Variants in XKR6 observed in about 807,000 individuals in gnomAD.
XKR6 encodes the protein XK related 6, also known as XK-related protein 6.
In XKR6, 22 loss-of-function variants were observed where a neutral mutation model predicts 56.7. That is an observed-to-expected ratio of 0.39 (90% CI 0.28 to 0.55). The LOEUF (loss-of-function observed/expected upper bound fraction) is 0.55. Among genes scored for constraint, XKR6 ranks in the 20% least tolerant of loss-of-function variants. XKR6 has a pLI of 0.66. For missense variants in XKR6, 852 were observed against 889.0 expected (o/e 0.96, Z 0.53); for synonymous variants, 524 against 387.8 (o/e 1.35, Z -4.13).
intron 1 of XKR6, among the ~76,000 whole-genome samples, chr8:10,969,040 T>C (rs536918431): frequency 6.6e-5 from 10 of 152,346 alleles, no homozygotes; most frequent in African/African-American, 2.4e-4. Context: ...CTTAGGAAAC[T>C]GGAGCAGAGG....
At chr8:10,997,649 T>A (rs935925156) in intron 1 of XKR6, among the ~76,000 whole-genome samples, 2 of 151,950 alleles carry the variant, frequency 1.3e-5, no homozygotes, top group Non-Finnish European at 2.9e-5. Flanking sequence ...AGGAGGCGTG[T>A]GGAAATGCAA....
At chr8:11,045,982 G>C (rs1039448594) in intron 1 of XKR6, among the ~76,000 whole-genome samples, 1 of 152,238 alleles carries the variant, frequency 6.6e-6, no homozygotes, top group African/African-American at 2.4e-5. Flanking sequence ...GTGCGCTGTT[G>C]TTGAGAGAAT....
intron 1 of XKR6, among the ~76,000 whole-genome samples, chr8:10,946,214 T>TA (rs375093958): frequency 6.6e-6 from 1 of 152,008 alleles, no homozygotes; most frequent in Non-Finnish European, 1.5e-5. Context: ...CCATGGGGAA[T>TA]GGGGGTGAGA....
At chr8:11,049,884 T>G (rs1282225605) in intron 1 of XKR6, among the ~76,000 whole-genome samples, 1 of 152,164 alleles carries the variant, frequency 6.6e-6, no homozygotes, top group Non-Finnish European at 1.5e-5. Flanking sequence ...AGAAAGACTG[T>G]GTCTGCTGCA....
At chr8:10,978,357 T>G (rs902783221) in intron 1 of XKR6, among the ~76,000 whole-genome samples, 23 of 152,230 alleles carry the variant, frequency 1.5e-4, no homozygotes, top group African/African-American at 5.1e-4. Flanking sequence ...AAACTTAATA[T>G]AACATTCAAT....
intron 1 of XKR6, among the ~76,000 whole-genome samples, chr8:11,032,404 G>C (rs1334711829): frequency 1.3e-5 from 2 of 152,250 alleles, no homozygotes; most frequent in Non-Finnish European, 2.9e-5. Flanking sequence ...GACAGAGTGT[G>C]TGTGCTGAGT....
At chr8:11,161,822 C>T (rs940217180) in intron 1 of XKR6, among the ~76,000 whole-genome samples, 2 of 152,000 alleles carry the variant, frequency 1.3e-5, no homozygotes, top group Non-Finnish European at 1.5e-5. Context: ...CATCAGGTAC[C>T]TGCAACTCAA....
At chr8:11,080,861 C>T (rs561400239) in intron 1 of XKR6, among the ~76,000 whole-genome samples, 1 of 152,372 alleles carries the variant, frequency 6.6e-6, no homozygotes, top group East Asian at 1.9e-4. Flanking sequence ...AGCTGCCAAC[C>T]TCTTTGGAGA....
At chr8:10,960,975 T>G (rs939159565) in intron 1 of XKR6, among the ~76,000 whole-genome samples, 1 of 151,932 alleles carries the variant, frequency 6.6e-6, no homozygotes, top group Non-Finnish European at 1.5e-5. Flanking sequence ...CTAGATGGGG[T>G]AGGGCCAGGA....
intron 1 of XKR6, chr8:11,109,251 C>T (rs1244073800): frequency 4.6e-5 from 7 of 152,228 alleles, no homozygotes; most frequent in Non-Finnish European, 1.0e-4. Flanking sequence ...CAAACCCTGA[C>T]TGTATTCATG....
intron 1 of XKR6, among the ~76,000 whole-genome samples, chr8:11,156,941 T>C (rs1801552505): frequency 6.6e-6 from 1 of 152,042 alleles, no homozygotes; most frequent in South Asian, 2.1e-4. Context: ...AACTTTACAG[T>C]AGGAAACCTG....
chr8:11,024,719 G>T (rs947112798), intron 1 of XKR6, among the ~76,000 whole-genome samples: 2 of 152,206 alleles, frequency 1.3e-5, no homozygotes, highest in African/African-American at 4.8e-5. Context: ...GACCCCCAGG[G>T]AGGCCCAAGA....
At chr8:10,995,691 A>AG (rs1798095862) in intron 1 of XKR6, among the ~76,000 whole-genome samples, 1 of 112,160 alleles carries the variant, frequency 8.9e-6, no homozygotes. Flanking sequence ...CTATCTCCCC[A>AG]CCAAAAAAAA....
chr8:10,963,161 A>C (rs984557009), intron 1 of XKR6, among the ~76,000 whole-genome samples: 1 of 152,178 alleles, frequency 6.6e-6, no homozygotes, highest in Non-Finnish European at 1.5e-5. Context: ...GTCTTGACAC[A>C]GGCCCCACTT....
At chr8:11,076,790 C>T (rs1215805137) in intron 1 of XKR6, among the ~76,000 whole-genome samples, 1 of 152,198 alleles carries the variant, frequency 6.6e-6, no homozygotes, top group Non-Finnish European at 1.5e-5. Context: ...CCGCAGAGGA[C>T]AGGCAGTCCC....
intron 1 of XKR6, among the ~76,000 whole-genome samples, chr8:11,111,456 G>C (rs1798887583): frequency 1.3e-5 from 2 of 152,122 alleles, no homozygotes; most frequent in South Asian, 2.1e-4. Context: ...TCTGAGACCG[G>C]TTCCAGACTG....
At chr8:11,043,596 C>G (rs1359969090) in intron 1 of XKR6, among the ~76,000 whole-genome samples, 1 of 152,198 alleles carries the variant, frequency 6.6e-6, no homozygotes, top group Non-Finnish European at 1.5e-5. Context: ...CAGAGTCAGT[C>G]CAGGAAATCT....
intron 1 of XKR6, among the ~76,000 whole-genome samples, chr8:11,067,384 C>T (rs1233003093): frequency 6.6e-6 from 1 of 152,190 alleles, no homozygotes; most frequent in African/African-American, 2.4e-5. Flanking sequence ...TGATCTCAAC[C>T]CAGGCACTTC....
At chr8:11,090,353 G>T (rs932974455) in intron 1 of XKR6, among the ~76,000 whole-genome samples, 1 of 151,750 alleles carries the variant, frequency 6.6e-6, no homozygotes, top group Non-Finnish European at 1.5e-5. Context: ...CTCCCAAAGT[G>T]TTGGGATTAC....
Sources: allele counts gnomAD v4.1 joint callset (sites outside exome capture counted in the v4.1 genomes callset), GRCh38; gene constraint gnomAD v4.1.1; transcripts MANE v1.5; gene names NCBI Gene and HGNC (gene_info 2026-07-23, HGNC 2026-07-21).